The following LRMDA variants were observed in gnomAD, a reference collection of about 807,000 sequenced individuals.
LRMDA encodes leucine rich melanocyte differentiation associated, also known as leucine-rich melanocyte differentiation-associated protein.
Under a neutral mutation model 29.8 loss-of-function variants are expected in LRMDA, and 18 were observed. That is an observed-to-expected ratio of 0.60 (90% CI 0.42 to 0.90). The LOEUF (loss-of-function observed/expected upper bound fraction) is 0.90. Among genes scored for constraint, LRMDA ranks in the 40% least tolerant of loss-of-function variants. The pLI is 0.00. For missense variants in LRMDA, 273 were observed against 273.9 expected, an observed-to-expected ratio of 1.00 and a Z score of 0.02; for synonymous variants, 125 against 109.4, an observed-to-expected ratio of 1.14 and a Z score of -0.89.
intron 2 of LRMDA, among the ~76,000 whole-genome samples, chr10:75,570,260 TTGA>T (rs1195153124): frequency 2.0e-5 from 3 of 152,218 alleles, no homozygotes; most frequent in Admixed American, 6.5e-5. Context: ...AGTAATAGTT[TTGA>T]AAGTATCTTG....
chr10:75,859,535 T>C (rs1844883160), intron 2 of LRMDA, among the ~76,000 whole-genome samples: 1 of 152,076 alleles, frequency 6.6e-6, no homozygotes, highest in African/African-American at 2.4e-5. Context: ...TATTGGTTCA[T>C]GTTTCTGTTG....
chr10:76,432,713 C>T (rs1019866118), intron 6 of LRMDA, among the ~76,000 whole-genome samples: 8 of 152,130 alleles, frequency 5.3e-5, no homozygotes, highest in Non-Finnish European at 1.0e-4. Flanking sequence ...ACAGATGAGG[C>T]GCAGAATAGG....
intron 6 of LRMDA, among the ~76,000 whole-genome samples, chr10:76,325,363 T>G (rs971552187): frequency 2.0e-5 from 3 of 152,228 alleles, no homozygotes; most frequent in Admixed American, 2.0e-4. Flanking sequence ...GGCTTGGACC[T>G]GTGTTGCCTG....
intron 6 of LRMDA, among the ~76,000 whole-genome samples, chr10:76,534,925 A>G (rs150894526): frequency 6.6e-6 from 1 of 152,246 alleles, no homozygotes; most frequent in African/African-American, 2.4e-5. Context: ...TACTACCTCC[A>G]TGATATTTAT....
At chr10:76,345,814 A>G (rs1841101822) in intron 6 of LRMDA, among the ~76,000 whole-genome samples, 3 of 152,222 alleles carry the variant, frequency 2.0e-5, no homozygotes, top group Admixed American at 2.0e-4. Flanking sequence ...AATACACAGA[A>G]TGATATTCAT....
rs1438422135 is a variant in LRMDA, at chr10:76,321,530, T to TTTTCTATTG, written c.517-2870_517-2869insTTCTATTGT. ...CTATTTTTCTATTGATTTAAAGACA[T>TTTTCTATTG]TCTTTTTTTTTTTTTAAATTTGGAT... On this transcript the variant is annotated intron_variant, in intron 5 of 6. Coordinates refer to ENST00000611255, the MANE Select transcript of LRMDA (RefSeq NM_001305581.2). 4.1e-3 allele frequency among the ~76,000 whole-genome samples: 538 copies of TTTTCTATTG among 132,412 alleles called. 3 individuals carry two copies. The highest frequency in any genetic ancestry group is 2.5e-3 in the Non-Finnish European group (164 of 66,334). The allele number at this position is 132,412 out of a possible 152,430, so 86.9% of individuals were successfully genotyped here.
intron 5 of LRMDA, among the ~76,000 whole-genome samples, chr10:76,190,609 C>T (rs988252549): frequency 6.6e-5 from 10 of 152,132 alleles, no homozygotes; most frequent in African/African-American, 1.9e-4. Context: ...TGGGAATTGC[C>T]ATTGAAAAGT....
At chr10:75,639,659 C>T (rs752900813) in intron 2 of LRMDA, among the ~76,000 whole-genome samples, 2 of 152,142 alleles carry the variant, frequency 1.3e-5, no homozygotes, top group Non-Finnish European at 2.9e-5. Context: ...CCCCCTCCCG[C>T]CCTGTGCTTC....
At chr10:76,002,629 T>TGGGTAA (rs1385041583) in intron 2 of LRMDA, among the ~76,000 whole-genome samples, 1 of 152,212 alleles carries the variant, frequency 6.6e-6, no homozygotes, top group Non-Finnish European at 1.5e-5. Flanking sequence ...TGAGGGCATC[T>TGGGTAA]TTAATGAAAT....
chr10:76,081,475 A>G (rs967727301), intron 5 of LRMDA, among the ~76,000 whole-genome samples: 2 of 152,332 alleles, frequency 1.3e-5, no homozygotes, highest in East Asian at 3.9e-4. Flanking sequence ...AAGTAACACT[A>G]TTGGATTGCC....
chr10:75,850,681 A>G (rs1485249091), intron 2 of LRMDA, among the ~76,000 whole-genome samples: 1 of 152,192 alleles, frequency 6.6e-6, no homozygotes, highest in African/African-American at 2.4e-5. Context: ...GTTAGAAGCT[A>G]AGATCACTCG....
intron 5 of LRMDA, among the ~76,000 whole-genome samples, chr10:76,195,611 A>G (rs1851319311): frequency 6.6e-6 from 1 of 152,200 alleles, no homozygotes; most frequent in Non-Finnish European, 1.5e-5. Flanking sequence ...AGAACCCCAT[A>G]AATTTAGCAT....
rs184374062 is a variant in LRMDA at position 76,368,361 on chromosome 10, A to G, written c.601+43876A>G. On this transcript the variant is annotated intron_variant, in intron 6 of 6. Coordinates refer to ENST00000611255, the MANE Select transcript of LRMDA (RefSeq NM_001305581.2). Reference sequence around the variant, plus strand: ...CCATTTTGATTTCGTTTTTGACCCAATGTTCATTCAGGAGCAGGTTATTTA... The same window carrying G: ...CCATTTTGATTTCGTTTTTGACCCAGTGTTCATTCAGGAGCAGGTTATTTA... Among the ~76,000 whole-genome samples, 586 of 152,192 alleles carry G rather than the reference A, an allele frequency of 3.9e-3. 4 individuals carry two copies. Among genetic ancestry groups the G allele is most frequent in the African/African-American group, 0.012 (513 of 41,528 alleles).
At chr10:75,441,325 C>A (rs780501913) in intron 2 of LRMDA, among the ~76,000 whole-genome samples, 15 of 152,214 alleles carry the variant, frequency 9.9e-5, no homozygotes, top group Non-Finnish European at 2.2e-4. Context: ...CACCGCAGCT[C>A]CCTGACCATC....
chr10:75,859,172 G>A (rs1174485462), intron 2 of LRMDA, among the ~76,000 whole-genome samples: 1 of 152,138 alleles, frequency 6.6e-6, no homozygotes, highest in African/African-American at 2.4e-5. Flanking sequence ...AGTAATGAAT[G>A]GCCTTATTAT....
rs1564701488 is a variant in LRMDA at position 76,254,340 on chromosome 10, C to CTATCCT, written c.517-70061_517-70060insTATCCT. On this transcript the variant is annotated intron_variant, in intron 5 of 6. Coordinates refer to ENST00000611255, the MANE Select transcript of LRMDA (RefSeq NM_001305581.2). ...CATACCATACCATACCATACCATAC[C>CTATCCT]ATCCTATCCTATCCTATCCTATGCT... Among the ~76,000 whole-genome samples, 29 of 90,202 alleles carry CTATCCT rather than the reference C, an allele frequency of 3.2e-4. 1 individual carries two copies. Among genetic ancestry groups the CTATCCT allele is most frequent in the African/African-American group, 9.4e-4 (28 of 29,750 alleles). 59.2% of individuals were successfully genotyped at this position (90,202 alleles called of 152,430 possible). A position where few individuals can be genotyped will look rare whatever the true frequency, so the allele number is the denominator to read the frequency against.
intron 6 of LRMDA, among the ~76,000 whole-genome samples, chr10:76,493,346 TTGGGTCAGCTTG>T (rs751687613): frequency 5.7e-4 from 86 of 152,084 alleles, no homozygotes; most frequent in Middle Eastern, 3.4e-3. Flanking sequence ...TCAAGGGCTC[TTGGGTCAGCTTG>T]TGGTGAATGC....
intron 5 of LRMDA, among the ~76,000 whole-genome samples, chr10:76,212,290 A>T (rs954180643): frequency 2.0e-5 from 3 of 151,684 alleles, no homozygotes; most frequent in Non-Finnish European, 4.4e-5. Flanking sequence ...ACTATAGAGA[A>T]ATATAAAAAA....
intron 5 of LRMDA, among the ~76,000 whole-genome samples, chr10:76,209,019 TG>T (rs1026461377): frequency 9.2e-5 from 14 of 152,070 alleles, no homozygotes; most frequent in Admixed American, 8.5e-4. Flanking sequence ...CCAGGTGTGG[TG>T]GTGGGCACCT....
Sources: gnomAD v4.1 joint callset for allele counts (sites outside exome capture counted in the v4.1 genomes callset) on GRCh38, gnomAD v4.1.1 for gene constraint, MANE v1.5 for transcripts, NCBI Gene and HGNC (gene_info 2026-07-23, HGNC 2026-07-21) for gene names.